The following ATL3 variants were observed in gnomAD, a reference collection of about 807,000 sequenced individuals.
ATL3 encodes atlastin GTPase 3.
Under a neutral mutation model 69.5 loss-of-function variants are expected in ATL3, and 49 were observed. The observed-to-expected ratio is 0.71, with a 90% CI of 0.56 to 0.89. ATL3 has a LOEUF of 0.89. Among genes scored for constraint, ATL3 ranks in the 40% least tolerant of loss-of-function variants. ATL3 has a pLI of 0.00. For synonymous variants in ATL3, 214 were observed against 224.1 expected, an observed-to-expected ratio of 0.95 and a Z score of 0.40; for missense variants, 606 against 645.7, an observed-to-expected ratio of 0.94 and a Z score of 0.67.
intron 8 of ATL3, among the ~76,000 whole-genome samples, chr11:63,640,010 C>T (rs554999735): frequency 3.3e-5 from 5 of 152,046 alleles, no homozygotes; most frequent in African/African-American, 9.7e-5. Flanking sequence ...CTCACTGCAA[C>T]CTCCACCTCC....
chr11:63,661,525 C>T (rs930832517), intron 1 of ATL3, among the ~76,000 whole-genome samples: 8 of 152,102 alleles, frequency 5.3e-5, no homozygotes, highest in Non-Finnish European at 5.9e-5. Flanking sequence ...GGCAGGATTG[C>T]TTGAGGCCAG....
rs536983431 is a variant in ATL3 at position 63,627,956 on chromosome 11, T to C, written c.*1363A>G. The C allele has an allele frequency of 2.3e-4, 35 of 152,332 alleles. No individual in the cohort carries two copies. Among genetic ancestry groups the C allele is most frequent in the African/African-American group, 7.7e-4 (32 of 41,592 alleles). 9.4% of individuals were successfully genotyped at this position (152,332 alleles called of 1,614,324 possible). On this transcript the variant is annotated 3_prime_UTR_variant, in exon 13 of 13. Transcript: ENST00000398868. Reference sequence around the variant, plus strand: ...ACACGGCAGAGAATGCAAATTAACATTCTGAATAAAGACCTTAAATCAGGT... The same window carrying C: ...ACACGGCAGAGAATGCAAATTAACACTCTGAATAAAGACCTTAAATCAGGT...
chr11:63,631,541 G>C, intron 11 of ATL3, 70 bp from the exon 12 acceptor site: 1 of 1,292,656 alleles, frequency 7.7e-7, no homozygotes, highest in Non-Finnish European at 1.1e-6. Context: ...AACATGAAAA[G>C]ATAATGAAAG....
intron 5 of ATL3, among the ~76,000 whole-genome samples, chr11:63,650,312 G>C (rs1288213346): frequency 1.3e-5 from 2 of 152,098 alleles, no homozygotes; most frequent in African/African-American, 4.8e-5. Flanking sequence ...CAATTCTGAA[G>C]TGCTCCATAT....
chr11:63,655,927 T>C (rs1471614554), intron 3 of ATL3, among the ~76,000 whole-genome samples: 1 of 151,968 alleles, frequency 6.6e-6, no homozygotes, highest in East Asian at 1.9e-4. Flanking sequence ...CACATACAAA[T>C]AACATGAACT....
chr11:63,662,950 C>T (rs1218384301), intron 1 of ATL3, among the ~76,000 whole-genome samples: 1 of 152,136 alleles, frequency 6.6e-6, no homozygotes, highest in Non-Finnish European at 1.5e-5. Context: ...GCCAAAATCA[C>T]AAAGATGGTT....
chr11:63,646,489 TA>T lies in ATL3; in HGVS notation c.618+17del. On this transcript the variant is annotated intron_variant, in intron 6 of 12. Transcript: ENST00000398868. Reference sequence around the variant, plus strand: ...CAAAAACAAAGGTATGAATTATATTTAAAATAAATATTCTAACCTGGAAAGG... The same window carrying T: ...CAAAAACAAAGGTATGAATTATATTTAAATAAATATTCTAACCTGGAAAGG... 7.2e-7 allele frequency: 1 copy of T among 1,383,842 alleles called. No individual in the cohort carries two copies. The highest frequency in any genetic ancestry group is 9.8e-7 in the Non-Finnish European group (1 of 1,015,844). The allele number at this position is 1,383,842 out of a possible 1,614,324, so 85.7% of individuals were successfully genotyped here.
rs1812042459 is a variant in ATL3, at chr11:63,627,369, G to T, written c.*1950C>A. 1 of 152,190 alleles carries T rather than the reference G, an allele frequency of 6.6e-6. No individual in the cohort carries two copies. The highest frequency in any genetic ancestry group is 2.4e-5 in the African/African-American group (1 of 41,462). 9.4% of individuals were successfully genotyped at this position (152,190 alleles called of 1,614,324 possible). ...GGAATTTTTCTAAAGTGTAACAGCAGTGAATAAAATAGCAAGAACTATTTG... is the reference window on the plus strand; with the variant it reads ...GGAATTTTTCTAAAGTGTAACAGCATTGAATAAAATAGCAAGAACTATTTG... On this transcript the variant is annotated 3_prime_UTR_variant, in exon 13 of 13. Transcript: ENST00000398868.
At chr11:63,639,652 G>C (rs941226435) in intron 8 of ATL3, among the ~76,000 whole-genome samples, 3 of 152,100 alleles carry the variant, frequency 2.0e-5, no homozygotes, top group Non-Finnish European at 4.4e-5. Context: ...CTACTGAGGA[G>C]GCTAAGGTGG....
chr11:63,670,565 G>C (rs1232033629), intron 1 of ATL3: 1 of 152,256 alleles, frequency 6.6e-6, no homozygotes, highest in Non-Finnish European at 1.5e-5. Flanking sequence ...TGAATACACG[G>C]TGACTCCTTA....
chr11:63,655,440 C>T (rs1319512039), intron 3 of ATL3, among the ~76,000 whole-genome samples: 2 of 150,492 alleles, frequency 1.3e-5, no homozygotes, highest in South Asian at 2.1e-4. Flanking sequence ...CGTGAGCCAC[C>T]GCATCTGGCC....
chr11:63,629,088 G>C lies in ATL3; in HGVS notation c.*231C>G. The C allele has an allele frequency of 1.9e-6, 1 of 527,084 alleles. No homozygotes were observed. Among genetic ancestry groups the C allele is most frequent in the Non-Finnish European group, 3.4e-6 (1 of 294,664 alleles). 32.7% of individuals were successfully genotyped at this position (527,084 alleles called of 1,614,324 possible). ...GCAGAGTAATATGAAAATAGACACA[G>C]GCTTGCATCTATAACAGCAAGGAAA... On this transcript the variant is annotated 3_prime_UTR_variant, in exon 13 of 13. Coordinates refer to ENST00000398868, the MANE Select transcript of ATL3 (RefSeq NM_015459.5).
upstream of ATL3, chr11:63,671,846 A>G (rs985880148): frequency 1.1e-5 from 8 of 729,180 alleles, no homozygotes; most frequent in African/African-American, 1.6e-4. Context: ...CCTAACGTGC[A>G]GACCAGGCCC....
At chr11:63,633,164 A>C in intron 10 of ATL3, 67 bp from the exon 11 acceptor site, 1 of 1,315,254 alleles carries the variant, frequency 7.6e-7, no homozygotes, top group Non-Finnish European at 1.1e-6. Context: ...AAATAACCTA[A>C]CAAAAATCTT....
Position 63,659,102 on chromosome 11 carries a change from G to C in ATL3, c.197C>G (p.Ala66Gly). Residue 66 changes from alanine (A) to glycine (G), a missense_variant, in exon 2 of 13, where the codon GCT becomes GGT. By Grantham distance (60) the Ala-to-Gly change is moderately conservative (BLOSUM62 0). Transcript: ENST00000398868. ...GGACTTGCCCTTTCGGAAGGCACCA[G>C]CCACTGAAACCACCACCACATCAAG... Reference protein sequence around the residue: ...RDLDVVVVSVAGAFRKGKSFI... With the variant: ...RDLDVVVVSVGGAFRKGKSFI... The C allele has an allele frequency of 6.2e-7, 1 of 1,614,072 alleles. No individual in the cohort carries two copies. The highest frequency in any genetic ancestry group is 1.3e-5 in the African/African-American group (1 of 74,996).
At chr11:63,670,269 T>C (rs773940167) in intron 1 of ATL3, 1 of 152,220 alleles carries the variant, frequency 6.6e-6, no homozygotes, top group African/African-American at 2.4e-5. Flanking sequence ...AGTACCTATG[T>C]TGCAATGCTA....
intron 10 of ATL3, among the ~76,000 whole-genome samples, 191 bp from the exon 11 acceptor site, chr11:63,633,288 TAGA>T (rs987745499): frequency 5.3e-5 from 8 of 152,304 alleles, no homozygotes; most frequent in Middle Eastern, 3.4e-3. Context: ...CAAAAAAAGG[TAGA>T]AGTTCATATA....
chr11:63,625,199 G>C lies in ATL3; in HGVS notation c.*4120C>G, dbSNP rs1015444545. On this transcript the variant is annotated 3_prime_UTR_variant, in exon 13 of 13. Transcript: ENST00000398868. ...TTTTTAAAAATTAATCACACAAATA[G>C]TTTGTACTTTCATAACTGAAGCTTG... The C allele has an allele frequency of 6.6e-6, 1 of 152,014 alleles. No individual in the cohort carries two copies. Among genetic ancestry groups the C allele is most frequent in the Non-Finnish European group, 1.5e-5 (1 of 68,018 alleles). The allele number at this position is 152,014 out of a possible 1,614,324, so 9.4% of individuals were successfully genotyped here.
In ATL3 at chr11:63,659,074, G is replaced by A. The variant is rs770722135; in HGVS notation, c.225C>T (p.Phe75=). ...VAGAFRKGKS[F]ILDFMLRYLY... ...AGTATCGTAGCATAAAATCCAGAAT[G>A]AAGGACTTGCCCTTTCGGAAGGCAC... is the stretch of plus-strand genomic sequence containing the variant. The change falls in exon 2 of 13, where the codon TTC becomes TTT. Residue 75 remains phenylalanine, a synonymous_variant. Transcript: ENST00000398868. 1 of 1,613,886 alleles carries A rather than the reference G, an allele frequency of 6.2e-7. No individual in the cohort carries two copies. Among genetic ancestry groups the A allele is most frequent in the Non-Finnish European group, 8.5e-7 (1 of 1,180,018 alleles).
Sources: allele counts gnomAD v4.1 joint callset (sites outside exome capture counted in the v4.1 genomes callset), GRCh38; gene constraint gnomAD v4.1.1; transcripts MANE v1.5; gene names NCBI Gene and HGNC (gene_info 2026-07-23, HGNC 2026-07-21).